PTCHD4: variants seen among roughly 807,000 people sequenced by gnomAD.
The protein encoded by PTCHD4 is patched domain-containing protein 4.
Under a neutral mutation model 58.1 loss-of-function variants are expected in PTCHD4, and 33 were observed. The ratio of observed to expected loss-of-function variants is 0.57; its 90% CI spans 0.43 to 0.76. The LOEUF (loss-of-function observed/expected upper bound fraction) is 0.76, where lower values mean the gene tolerates loss of function less well. PTCHD4 is among the 30% of genes least tolerant of loss of function. The pLI, the probability that PTCHD4 is intolerant of heterozygous loss-of-function variation, is 0.00. For synonymous variants in PTCHD4, 478 were observed against 409.6 expected (o/e 1.17, Z -2.02); for missense variants, 1,058 against 1,027.1 (o/e 1.03, Z -0.41).
At position 47,986,615 on chromosome 6, in the gene PTCHD4, A is replaced by T. The variant is rs190590492; in HGVS notation, c.898+22019T>A. On this transcript the variant is annotated intron_variant, in intron 4 of 4. Coordinates refer to ENST00000339488, the MANE Select transcript of PTCHD4 (RefSeq NM_001384253.1). ...CCTGTCTTCAACTGCTTTATAAGAG[A>T]TTCTTTATATCTTACTGTCATCAAG... Among the ~76,000 whole-genome samples the T allele has an allele frequency of 1.1e-4, 16 of 152,238 alleles. No homozygotes were observed. The East Asian group carries it at 3.1e-3, about 29-fold the overall frequency.
chr6:48,068,193 G>A lies in PTCHD4; in HGVS notation c.417+37C>T, dbSNP rs1158233229. 2.6e-6 allele frequency: 4 copies of A among 1,513,232 alleles called. No homozygotes were observed. Among genetic ancestry groups the A allele is most frequent in the African/African-American group, 2.8e-5 (2 of 71,726 alleles). 93.7% of individuals were successfully genotyped at this position (1,513,232 alleles called of 1,614,324 possible). A position where few individuals can be genotyped will look rare whatever the true frequency, so the allele number is the denominator to read the frequency against. On this transcript the variant is annotated intron_variant, in intron 3 of 4. Transcript: ENST00000339488. This position sits in a 1 kb window ranked among gnomAD's most constrained non-coding sequence, Gnocchi z 4.2. The stretch of plus-strand genomic sequence containing the variant: ...TTATCCTGATTTCTCAACACACACA[G>A]ATGGGAAAAAGTATAATTATAGCCC...
At chr6:47,889,858 T>A (rs534286346) in intron 4 of PTCHD4, among the ~76,000 whole-genome samples, 86 of 151,826 alleles carry the variant, frequency 5.7e-4, no homozygotes, top group African/African-American at 2.0e-3. Context: ...ACAAATGGGA[T>A]CTAATTAAAC....
At chr6:48,004,427 C>T (rs773607747) in intron 4 of PTCHD4, among the ~76,000 whole-genome samples, 1 of 152,090 alleles carries the variant, frequency 6.6e-6, no homozygotes, top group Non-Finnish European at 1.5e-5. Context: ...ACAGAATGAG[C>T]CAGCTTGGCA....
rs200541595 is a variant in PTCHD4 at position 47,928,675 on chromosome 6, C to A, written c.899-48739G>T. 3.2e-4 allele frequency among the ~76,000 whole-genome samples: 49 copies of A among 152,242 alleles called. No individual in the cohort carries two copies. The East Asian group carries it at 8.1e-3, about 25-fold the overall frequency. Reference sequence around the variant, plus strand: ...TAGCTATATGCTATTGTATTATATTCAGATATATATCACATTATAGCCTTT... The same window carrying A: ...TAGCTATATGCTATTGTATTATATTAAGATATATATCACATTATAGCCTTT... On this transcript the variant is annotated intron_variant, in intron 4 of 4. Transcript: ENST00000339488.
chr6:48,107,638 G>T (rs1271696393), intron 1 of PTCHD4, among the ~76,000 whole-genome samples: 36 of 152,164 alleles, frequency 2.4e-4, no homozygotes, highest in Non-Finnish European at 4.7e-4. Flanking sequence ...CACAGCAAAA[G>T]AAACCACCAT....
intron 4 of PTCHD4, among the ~76,000 whole-genome samples, chr6:48,003,213 G>A (rs1432753966): frequency 6.6e-6 from 1 of 152,096 alleles, no homozygotes; most frequent in African/African-American, 2.4e-5. Flanking sequence ...GCTATGCTGT[G>A]ATGAATCTCA....
chr6:47,966,391 C>A (rs1216140197), intron 4 of PTCHD4, among the ~76,000 whole-genome samples: 1 of 152,158 alleles, frequency 6.6e-6, no homozygotes, highest in Non-Finnish European at 1.5e-5. Flanking sequence ...TTTTCTGAGC[C>A]TTGTGATTTA....
Position 48,068,660 on chromosome 6 carries a change from CAT to C in PTCHD4, c.6-21_6-20del. The C allele has an allele frequency of 2.0e-6, 3 of 1,530,442 alleles. No individual in the cohort carries two copies. Among genetic ancestry groups the C allele is most frequent in the East Asian group, 2.4e-5 (1 of 40,856 alleles). The allele number at this position is 1,530,442 out of a possible 1,614,324, so 94.8% of individuals were successfully genotyped here. A position where few individuals can be genotyped will look rare whatever the true frequency, so the allele number is the denominator to read the frequency against. On this transcript the variant is annotated intron_variant, in intron 2 of 4. Transcript: ENST00000339488. This position sits in a 1 kb window ranked among gnomAD's most constrained non-coding sequence, Gnocchi z 4.2. ...CGGCCGTCTTAAAAAGCACATGTGA[CAT>C]GTGTAAGCGCCGGGCTACCCCGTTC...
At chr6:47,918,544 A>G (rs1159455681) in intron 4 of PTCHD4, among the ~76,000 whole-genome samples, 2 of 151,800 alleles carry the variant, frequency 1.3e-5, no homozygotes, top group Admixed American at 1.3e-4. Flanking sequence ...TAATGTTAGA[A>G]TATTTGCACA....
chr6:48,012,056 C>T (rs1243756481), intron 3 of PTCHD4, among the ~76,000 whole-genome samples: 2 of 151,988 alleles, frequency 1.3e-5, no homozygotes, highest in East Asian at 3.9e-4. Context: ...GCTATATGGG[C>T]TATTTTTGGT....
intron 1 of PTCHD4, among the ~76,000 whole-genome samples, chr6:48,106,403 G>T (rs1433941694): frequency 6.6e-6 from 1 of 151,994 alleles, no homozygotes; most frequent in Non-Finnish European, 1.5e-5. Context: ...ATTCAACAAT[G>T]CTTCACGCTA....
intron 4 of PTCHD4, among the ~76,000 whole-genome samples, chr6:47,887,937 T>C (rs575897663): frequency 6.6e-6 from 1 of 152,340 alleles, no homozygotes; most frequent in East Asian, 1.9e-4. Context: ...ACATGTATGA[T>C]GGTTTTACCT....
rs535733771 is a variant in PTCHD4, at chr6:47,868,130, A to G, written c.*10173T>C. ...CTAAATAAAAAAAAGGTTTCAGTTC[A>G]GTTGTTTAGTCCCTTCTTCAACAGT... On this transcript the variant is annotated 3_prime_UTR_variant, in exon 5 of 5. Transcript: ENST00000339488. 1.3e-5 allele frequency among the ~76,000 whole-genome samples: 2 copies of G among 151,890 alleles called. No individual in the cohort carries two copies. Among genetic ancestry groups the G allele is most frequent in the East Asian group, 3.9e-4 (2 of 5,138 alleles).
intron 1 of PTCHD4, among the ~76,000 whole-genome samples, chr6:48,106,053 A>G (rs1175746820): frequency 1.3e-5 from 2 of 152,242 alleles, no homozygotes; most frequent in African/African-American, 4.8e-5. Flanking sequence ...TCCTTCTGAA[A>G]CTATTCCAAT....
intron 4 of PTCHD4, among the ~76,000 whole-genome samples, chr6:47,930,413 T>C (rs1765773857): frequency 6.6e-6 from 1 of 152,224 alleles, no homozygotes; most frequent in Non-Finnish European, 1.5e-5. Context: ...AATAAAGTTC[T>C]GAGACTCTAC....
At chr6:48,039,712 A>G (rs996044205) in intron 3 of PTCHD4, among the ~76,000 whole-genome samples, 1 of 152,142 alleles carries the variant, frequency 6.6e-6, no homozygotes, top group African/African-American at 2.4e-5. Context: ...TGAATTTGAA[A>G]TGTGTAATAA....
intron 4 of PTCHD4, among the ~76,000 whole-genome samples, chr6:47,983,547 A>C (rs534425620): frequency 1.3e-5 from 2 of 152,322 alleles, no homozygotes; most frequent in East Asian, 3.9e-4. Flanking sequence ...GCAAATAACT[A>C]AGATTTCCAA....
At chr6:48,075,696 C>T (rs1765052124) in intron 1 of PTCHD4, among the ~76,000 whole-genome samples, 1 of 152,122 alleles carries the variant, frequency 6.6e-6, no homozygotes, top group African/African-American at 2.4e-5. Context: ...TTATGCCATA[C>T]CATAGCCTGT....
At chr6:48,061,407 G>C (rs547500214) in intron 3 of PTCHD4, among the ~76,000 whole-genome samples, 2 of 152,218 alleles carry the variant, frequency 1.3e-5, no homozygotes, top group East Asian at 3.9e-4. Flanking sequence ...CATGATAAAC[G>C]ATATGCTGAG....
Sources: gnomAD v4.1 joint callset for allele counts (sites outside exome capture counted in the v4.1 genomes callset) on GRCh38, gnomAD v4.1.1 for gene constraint, Gnocchi (gnomAD v3.1) non-coding constraint, MANE v1.5 for transcripts, NCBI Gene and HGNC (gene_info 2026-07-23, HGNC 2026-07-21) for gene names.